Variants in MSMO1 observed in about 807,000 individuals in gnomAD.
The protein encoded by MSMO1 is C-4 methylsterol oxidase.
MSMO1 carries 18 observed loss-of-function variants against 30.4 expected under a neutral mutation model. The observed-to-expected ratio is 0.59, with a 90% CI of 0.41 to 0.88. The LOEUF (loss-of-function observed/expected upper bound fraction) is 0.88, where lower values mean the gene tolerates loss of function less well. MSMO1 is among the 40% of genes least tolerant of loss of function. The probability of loss-of-function intolerance (pLI) is 0.00; values close to 1 mark genes in which losing one functional copy is unlikely to be tolerated. For synonymous variants in MSMO1, 84 were observed against 107.9 expected (o/e 0.78, Z 1.37); for missense variants, 284 against 340.5 (o/e 0.83, Z 1.31).
chr4:165,327,724 C>G lies in MSMO1; in HGVS notation c.-72C>G, dbSNP rs1213739306. On this transcript the variant is annotated 5_prime_UTR_variant, in exon 1 of 6. Coordinates refer to ENST00000261507, the MANE Select transcript of MSMO1 (RefSeq NM_006745.5). Reference sequence around the variant, plus strand: ...TCCGAGGTTGGAACACCTGGCGAGTCCTCGGTGTCGGTGGCCGGCAGTCAT... The same window carrying G: ...TCCGAGGTTGGAACACCTGGCGAGTGCTCGGTGTCGGTGGCCGGCAGTCAT... 1 of 152,354 alleles carries G rather than the reference C, an allele frequency of 6.6e-6. No homozygotes were observed. The highest frequency in any genetic ancestry group is 2.4e-5 in the African/African-American group (1 of 41,458). 9.4% of individuals were successfully genotyped at this position (152,354 alleles called of 1,614,324 possible).
At chr4:165,329,890 T>TCCTGACCTTGTGATCCG in intron 1 of MSMO1, among the ~76,000 whole-genome samples, 2 of 152,164 alleles carry the variant, frequency 1.3e-5, no homozygotes, top group South Asian at 2.1e-4. Context: ...CACCTCAGCC[T>TCCTGACCTTGTGATCCG]CCCAAAGTGC....
intron 1 of MSMO1, among the ~76,000 whole-genome samples, chr4:165,328,375 G>A (rs890114956): frequency 6.6e-6 from 1 of 152,210 alleles, no homozygotes; most frequent in African/African-American, 2.4e-5. Context: ...AATCACAGCG[G>A]GGCTTGATCT....
At chr4:165,334,734 T>A (rs1393637658) in intron 2 of MSMO1, among the ~76,000 whole-genome samples, 1 of 152,220 alleles carries the variant, frequency 6.6e-6, no homozygotes, top group African/African-American at 2.4e-5. Flanking sequence ...CTGATGATAG[T>A]TTCTAGTGTT....
intron 2 of MSMO1, among the ~76,000 whole-genome samples, chr4:165,336,732 T>C (rs1236207688): frequency 6.6e-6 from 1 of 152,216 alleles, no homozygotes; most frequent in Non-Finnish European, 1.5e-5. Flanking sequence ...GTTGTAAACA[T>C]CACAAGAGCT....
intron 2 of MSMO1, among the ~76,000 whole-genome samples, chr4:165,333,870 C>T (rs1484462568): frequency 6.6e-6 from 1 of 152,174 alleles, no homozygotes; most frequent in East Asian, 1.9e-4. Context: ...GGGTCCATGC[C>T]TGTAATTCCA....
At chr4:165,331,944 C>T (rs561750250) in intron 1 of MSMO1, among the ~76,000 whole-genome samples, 17 of 147,878 alleles carry the variant, frequency 1.1e-4, no homozygotes, top group Middle Eastern at 3.4e-3. Context: ...CTCTGTCTTC[C>T]GTAACACTCT....
At chr4:165,329,537 A>T (rs1232320404) in intron 1 of MSMO1, among the ~76,000 whole-genome samples, 1 of 150,604 alleles carries the variant, frequency 6.6e-6, no homozygotes, top group Non-Finnish European at 1.5e-5. Context: ...TTTCAAGAAG[A>T]GAAGTATCAA....
chr4:165,337,751 C>T (rs1019867952), intron 2 of MSMO1, 38 bp from the exon 3 acceptor site: 1 of 1,604,258 alleles, frequency 6.2e-7, no homozygotes. Flanking sequence ...ACTCTGATAG[C>T]AGAGACTAAT....
chr4:165,338,848 T>C (rs1038529476), intron 4 of MSMO1, 70 bp downstream of exon 4: 48 of 1,327,126 alleles, frequency 3.6e-5, no homozygotes, highest in Non-Finnish European at 3.4e-5. Flanking sequence ...TGAGCATTTT[T>C]CTAAAATTGT....
In MSMO1 at chr4:165,338,708, AT is replaced by A; in HGVS notation, c.465del (p.Leu156CysfsTer38). ...GCAVIEDTWHYFLHRLLHHKR... is the reference protein window; with the variant it reads ...GCAVIEDTWHXFLHRLLHHKR... ...GCAGTCATTGAAGATACTTGGCACT[AT>A]TTTCTGCATAGACTCTTACACCACA... On this transcript the variant is annotated frameshift_variant, in exon 4 of 6. Transcript: ENST00000261507. LOFTEE classifies it high-confidence loss of function. 6.2e-7 allele frequency: 1 copy of A among 1,604,092 alleles called. No homozygotes were observed. Among genetic ancestry groups the A allele is most frequent in the Non-Finnish European group, 8.5e-7 (1 of 1,171,092 alleles).
At chr4:165,340,977 A>C in intron 5 of MSMO1, among the ~76,000 whole-genome samples, 1 of 152,180 alleles carries the variant, frequency 6.6e-6, no homozygotes, top group East Asian at 1.9e-4. Context: ...TAGCAAAATT[A>C]ATGCTTCTAG....
At chr4:165,339,355 T>G (rs1029683448) in intron 4 of MSMO1, among the ~76,000 whole-genome samples, 39 of 151,978 alleles carry the variant, frequency 2.6e-4, no homozygotes, top group African/African-American at 9.4e-4. Context: ...CCACCCGCCT[T>G]GGACTCGCAA....
In MSMO1 at chr4:165,333,337, C is replaced by T; in HGVS notation, c.-31-3C>T. On this transcript the variant is annotated splice_region_variant and splice_polypyrimidine_tract_variant and intron_variant, in intron 1 of 5. Coordinates refer to ENST00000261507, the MANE Select transcript of MSMO1 (RefSeq NM_006745.5). Reference sequence around the variant, plus strand: ...CTTATTATATATGTATTCATTTCTACAGAATTATAAGGCTGTCTGCAGAGA... The same window carrying T: ...CTTATTATATATGTATTCATTTCTATAGAATTATAAGGCTGTCTGCAGAGA... The T allele has an allele frequency of 6.2e-7, 1 of 1,607,364 alleles. No homozygotes were observed. Among genetic ancestry groups the T allele is most frequent in the African/African-American group, 1.3e-5 (1 of 74,746 alleles).
chr4:165,341,941 G>T lies in MSMO1; in HGVS notation c.877G>T (p.Glu293Ter). Reference protein sequence around the residue: ...EKRKKFEKKTE With the variant: ...EKRKKFEKKT ...GAGGAAGAAGTTTGAGAAAAAGACT[G>T]AATAAATATCTCACGTAAACCTTCC... Residue 293 changes from glutamate (E) to a stop codon, truncating the protein, a stop_gained, in exon 6 of 6, where the codon GAA (glutamate) becomes TAA (stop). Coordinates refer to ENST00000261507, the MANE Select transcript of MSMO1 (RefSeq NM_006745.5). LOFTEE classifies it high-confidence loss of function. 6.2e-7 allele frequency: 1 copy of T among 1,606,766 alleles called. No individual in the cohort carries two copies. Among genetic ancestry groups the T allele is most frequent in the South Asian group, 1.1e-5 (1 of 90,840 alleles).
intron 1 of MSMO1, among the ~76,000 whole-genome samples, chr4:165,328,562 C>T (rs907962445): frequency 2.0e-5 from 3 of 152,160 alleles, no homozygotes; most frequent in Non-Finnish European, 4.4e-5. Flanking sequence ...GTTAAAGTGC[C>T]AAAGGACAGA....
At position 165,338,652 on chromosome 4, in the gene MSMO1, G is replaced by A. The variant is rs1166976330; in HGVS notation, c.405G>A (p.Trp135Ter). The change falls in exon 4 of 6, where the codon TGG (tryptophan) becomes TGA (stop). Residue 135 changes from tryptophan (W) to a stop codon, truncating the protein, a stop_gained and splice_region_variant. Transcript: ENST00000261507. LOFTEE classifies it high-confidence loss of function. Reference sequence around the variant, plus strand: ...ACATTACAACATTTTTATCTTAAAGGTATTTTCTTTTGGCAAGATGCTTTG... The same window carrying A: ...ACATTACAACATTTTTATCTTAAAGATATTTTCTTTTGGCAAGATGCTTTG... ...IPYDWERMPR[W>*]YFLLARCFGC... The A allele has an allele frequency of 1.9e-6, 3 of 1,607,596 alleles. No individual in the cohort carries two copies. The highest frequency in any genetic ancestry group is 1.7e-5 in the Admixed American group (1 of 59,946).
In MSMO1 at chr4:165,342,696, C is replaced by CTTT. The variant is rs1370259040; in HGVS notation, c.*750_*751insTTT. 6.6e-6 allele frequency: 1 copy of CTTT among 152,142 alleles called. No homozygotes were observed. Among genetic ancestry groups the CTTT allele is most frequent in the African/African-American group, 2.4e-5 (1 of 41,420 alleles). The allele number at this position is 152,142 out of a possible 1,614,324, so 9.4% of individuals were successfully genotyped here. On this transcript the variant is annotated 3_prime_UTR_variant, in exon 6 of 6. Transcript: ENST00000261507. The stretch of plus-strand genomic sequence containing the variant: ...CATGTTTTAGAATTCACCTAAAGAT[C>CTTT]AAAATATCATGGATTGAACCTCATC...
At chr4:165,338,905 A>G in intron 4 of MSMO1, 127 bp downstream of exon 4, 1 of 700,508 alleles carries the variant, frequency 1.4e-6, no homozygotes, top group Non-Finnish European at 2.4e-6. Context: ...TATTAAGAAC[A>G]ATACACACAC....
intron 1 of MSMO1, among the ~76,000 whole-genome samples, chr4:165,329,830 T>C (rs1036791283): frequency 1.3e-5 from 2 of 151,808 alleles, no homozygotes; most frequent in Non-Finnish European, 2.9e-5. Flanking sequence ...GTGGAGATGT[T>C]TCACCATATT....
Sources: allele counts gnomAD v4.1 joint callset (sites outside exome capture counted in the v4.1 genomes callset), GRCh38; gene constraint gnomAD v4.1.1; transcripts MANE v1.5; gene names NCBI Gene and HGNC (gene_info 2026-07-23, HGNC 2026-07-21).